RNF115: variants seen among roughly 807,000 people sequenced by gnomAD.
The protein encoded by RNF115 is ring finger protein 115.
RNF115 carries 31 observed loss-of-function variants against 39.2 expected under a neutral mutation model. The observed-to-expected ratio is 0.79, with a 90% CI of 0.59 to 1.07. The LOEUF (loss-of-function observed/expected upper bound fraction) is 1.07, where lower values mean the gene tolerates loss of function less well. RNF115 is among the 50% of genes least tolerant of loss of function. The pLI, the probability that RNF115 is intolerant of heterozygous loss-of-function variation, is 0.00. For synonymous variants in RNF115, 124 were observed against 131.0 expected (o/e 0.95, Z 0.37); for missense variants, 384 against 381.7 (o/e 1.01, Z -0.05).
At chr1:145,778,882 T>C (rs587741020) in intron 3 of RNF115, among the ~76,000 whole-genome samples, 8 of 152,354 alleles carry the variant, frequency 5.3e-5, no homozygotes, top group African/African-American at 1.9e-4. Context: ...AAATGCAAAG[T>C]ACATTGTTCT....
intron 1 of RNF115, among the ~76,000 whole-genome samples, chr1:145,794,683 T>G (rs188338916): frequency 6.6e-6 from 1 of 151,580 alleles, no homozygotes; most frequent in African/African-American, 2.4e-5. Context: ...ACTTCAAAAA[T>G]GAAGCGCGGA....
At chr1:145,805,496 GCATTATTGCTTTGTTTGATTTATAAAA>G in intron 1 of RNF115, among the ~76,000 whole-genome samples, 1 of 151,180 alleles carries the variant, frequency 6.6e-6, no homozygotes, top group African/African-American at 2.4e-5. Flanking sequence ...AACATTACCA[GCATTATTGCTTTGTTTGATTTATAAAA>G]GGAAAATTTT....
In RNF115 at chr1:145,748,052, C is replaced by T. The variant is rs782269610; in HGVS notation, c.726G>A (p.Arg242=). The T allele has an allele frequency of 3.1e-6, 5 of 1,613,778 alleles. No homozygotes were observed. The South Asian group carries it at 5.5e-5, about 18-fold the overall frequency. Residue 242 remains arginine (R), a synonymous_variant, in exon 8 of 9, where the codon CGG becomes CGA. Transcript: ENST00000582693. ...KEDYTVEEEV[R]QLPCNHFFHS... ...GAAAGAAGTGATTGCAAGGTAACTG[C>T]CGGACTTCCTCTTCAACTGTGTAAT...
At chr1:145,821,933 T>A (rs1650265302) in intron 1 of RNF115, among the ~76,000 whole-genome samples, 2 of 137,182 alleles carry the variant, frequency 1.5e-5, no homozygotes, top group South Asian at 4.9e-4. Flanking sequence ...CTGCAGGCTC[T>A]GATGTTGGCT....
intron 7 of RNF115, among the ~76,000 whole-genome samples, chr1:145,748,840 C>T (rs1267423534): frequency 2.0e-5 from 3 of 150,474 alleles, no homozygotes; most frequent in Non-Finnish European, 4.4e-5. Flanking sequence ...GCCAAGATTG[C>T]GCCACTGCAC....
At chr1:145,749,649 C>T (rs1451850148) in intron 7 of RNF115, among the ~76,000 whole-genome samples, 1 of 152,176 alleles carries the variant, frequency 6.6e-6, no homozygotes, top group Non-Finnish European at 1.5e-5. Context: ...AGCATTGTCA[C>T]CATCAACTGA....
In RNF115 at chr1:145,765,487, C is replaced by T. The variant is rs587756863; in HGVS notation, c.428+6224G>A. On this transcript the variant is annotated intron_variant, in intron 4 of 8. Transcript: ENST00000582693. ...GTAATTCCTTAGCATTTATCACAAT[C>T]TGGATGGAATTTCTCTTAAAGATCA... Among the ~76,000 whole-genome samples, 22 of 152,038 alleles carry T rather than the reference C, an allele frequency of 1.4e-4. No homozygotes were observed. In the South Asian group the frequency reaches 3.9e-3, roughly 27 times the overall value.
chr1:145,798,278 T>C (rs1361991961), intron 1 of RNF115, among the ~76,000 whole-genome samples: 9 of 152,344 alleles, frequency 5.9e-5, no homozygotes, highest in Non-Finnish European at 1.0e-4. Flanking sequence ...CTCTAAGTTT[T>C]CTTTTAGGAG....
chr1:145,765,648 C>T (rs1571724906), intron 4 of RNF115, among the ~76,000 whole-genome samples: 1 of 43,474 alleles, frequency 2.3e-5, no homozygotes. Flanking sequence ...AGAATACCCT[C>T]AGTTATAAAT....
intron 1 of RNF115, among the ~76,000 whole-genome samples, chr1:145,820,804 G>A (rs1650203022): frequency 6.6e-6 from 1 of 150,938 alleles, no homozygotes; most frequent in Non-Finnish European, 1.5e-5. Context: ...TTCTCACCAC[G>A]CAAAAATAAG....
At chr1:145,819,326 G>A (rs587740905) in intron 1 of RNF115, among the ~76,000 whole-genome samples, 44 of 145,184 alleles carry the variant, frequency 3.0e-4, no homozygotes, top group African/African-American at 8.4e-4. Flanking sequence ...GCACATACCC[G>A]TAGGTCCAGC....
At chr1:145,765,634 A>G (rs1275142527) in intron 4 of RNF115, among the ~76,000 whole-genome samples, 1 of 119,860 alleles carries the variant, frequency 8.3e-6, no homozygotes, top group Non-Finnish European at 1.7e-5. Context: ...ATAGTCACTG[A>G]AACAGAATAC....
At chr1:145,808,577 C>T (rs1649560752) in intron 1 of RNF115, among the ~76,000 whole-genome samples, 1 of 152,118 alleles carries the variant, frequency 6.6e-6, no homozygotes, top group Admixed American at 6.5e-5. Flanking sequence ...CTAAAACATA[C>T]AAATCAAGAC....
intron 4 of RNF115, among the ~76,000 whole-genome samples, chr1:145,771,116 T>C (rs908621564): frequency 6.6e-6 from 1 of 152,200 alleles, no homozygotes. Context: ...TCCTCAAAAA[T>C]TCATGTGTTG....
chr1:145,767,823 A>C (rs1230624641), intron 4 of RNF115, among the ~76,000 whole-genome samples: 2 of 152,156 alleles, frequency 1.3e-5, no homozygotes, highest in Non-Finnish European at 2.9e-5. Context: ...AAATACGAAA[A>C]CCAGTCAGGC....
At chr1:145,758,270 A>C (rs587756119) in intron 4 of RNF115, among the ~76,000 whole-genome samples, 1 of 152,170 alleles carries the variant, frequency 6.6e-6, no homozygotes, top group Non-Finnish European at 1.5e-5. Flanking sequence ...CTGCCAAGTA[A>C]TATGGACATT....
chr1:145,763,402 T>C (rs1282893725), intron 4 of RNF115, among the ~76,000 whole-genome samples: 1 of 151,774 alleles, frequency 6.6e-6, no homozygotes, highest in Non-Finnish European at 1.5e-5. Flanking sequence ...TAAAGCACAA[T>C]AAAATAAAAA....
chr1:145,799,591 CT>C (rs1225652486), intron 1 of RNF115, among the ~76,000 whole-genome samples: 1 of 12,768 alleles, frequency 7.8e-5, no homozygotes, highest in African/African-American at 3.6e-4. Context: ...TCACTGTGGG[CT>C]TTTTTTTGTT....
intron 1 of RNF115, among the ~76,000 whole-genome samples, chr1:145,792,907 T>TA (rs2101576500): frequency 6.6e-6 from 1 of 152,328 alleles, no homozygotes; most frequent in South Asian, 2.1e-4. Flanking sequence ...ATAATGGGCA[T>TA]ACTGTAAACT....
Sources: allele counts gnomAD v4.1 joint callset (sites outside exome capture counted in the v4.1 genomes callset), GRCh38; gene constraint gnomAD v4.1.1; transcripts MANE v1.5; gene names NCBI Gene and HGNC (gene_info 2026-07-23, HGNC 2026-07-21).